SLC9A9: variants seen among roughly 807,000 people sequenced by gnomAD.
SLC9A9 encodes the protein sodium/hydrogen exchanger 9.
Under a neutral mutation model 77.8 loss-of-function variants are expected in SLC9A9, and 62 were observed. The observed-to-expected ratio is 0.80, with a 90% CI of 0.65 to 0.98. The LOEUF (loss-of-function observed/expected upper bound fraction) is 0.98, where lower values mean the gene tolerates loss of function less well. Ranked by LOEUF, SLC9A9 falls within the 50% of genes least tolerant of loss-of-function variation. SLC9A9 has a pLI of 0.00. For synonymous variants in SLC9A9, 320 were observed against 283.5 expected, an observed-to-expected ratio of 1.13 and a Z score of -1.29; for missense variants, 775 against 774.9, an observed-to-expected ratio of 1.00 and a Z score of 0.00.
At chr3:143,652,115 C>A in intron 6 of SLC9A9, 140 bp downstream of exon 6, 1 of 691,386 alleles carries the variant, frequency 1.4e-6, no homozygotes, top group Non-Finnish European at 2.6e-6. Flanking sequence ...TGAATTGTGC[C>A]CATTATGGAA....
At chr3:143,589,574 C>A (rs1483360987) in intron 6 of SLC9A9, among the ~76,000 whole-genome samples, 1 of 152,146 alleles carries the variant, frequency 6.6e-6, no homozygotes, top group Non-Finnish European at 1.5e-5. Context: ...TATAACCTAG[C>A]TGTGTAGTAG....
At chr3:143,344,791 C>A (rs1211063549) in intron 14 of SLC9A9, among the ~76,000 whole-genome samples, 2 of 152,030 alleles carry the variant, frequency 1.3e-5, no homozygotes, top group Non-Finnish European at 2.9e-5. Context: ...AAAGACTTGA[C>A]CCTGTGCAGT....
chr3:143,755,751 C>A (rs2006902246), intron 4 of SLC9A9, among the ~76,000 whole-genome samples: 1 of 152,072 alleles, frequency 6.6e-6, no homozygotes, highest in Non-Finnish European at 1.5e-5. Flanking sequence ...ACTTAGAATA[C>A]AATGCCATGA....
chr3:143,413,802 G>C (rs1176425548), intron 12 of SLC9A9, among the ~76,000 whole-genome samples: 1 of 151,898 alleles, frequency 6.6e-6, no homozygotes, highest in Admixed American at 6.6e-5. Context: ...GTGTGTGTGT[G>C]TGTGTACGTG....
At chr3:143,529,233 T>C (rs1434978999) in intron 9 of SLC9A9, among the ~76,000 whole-genome samples, 1 of 152,180 alleles carries the variant, frequency 6.6e-6, no homozygotes, top group Non-Finnish European at 1.5e-5. Context: ...AGAACCGCAA[T>C]ACTGAGATAG....
intron 6 of SLC9A9, among the ~76,000 whole-genome samples, chr3:143,588,630 T>G (rs1408500930): frequency 6.6e-6 from 1 of 152,242 alleles, no homozygotes; most frequent in Non-Finnish European, 1.5e-5. Flanking sequence ...TACTTTCCAA[T>G]TTAGCTTGAA....
chr3:143,385,873 G>T (rs2033411817), intron 12 of SLC9A9, among the ~76,000 whole-genome samples: 1 of 152,084 alleles, frequency 6.6e-6, no homozygotes, highest in Non-Finnish European at 1.5e-5. Context: ...AACTGGACTT[G>T]TCCTTGTTTC....
chr3:143,652,729 G>C (rs1323213590), intron 5 of SLC9A9, among the ~76,000 whole-genome samples: 1 of 148,160 alleles, frequency 6.7e-6, no homozygotes, highest in Non-Finnish European at 1.5e-5. Flanking sequence ...TTCTACTATG[G>C]CAGCAATTCC....
chr3:143,299,798 C>T (rs2030439293), intron 14 of SLC9A9, among the ~76,000 whole-genome samples: 1 of 152,072 alleles, frequency 6.6e-6, no homozygotes, highest in Non-Finnish European at 1.5e-5. Flanking sequence ...GGTTATGGGC[C>T]CATACTTTGG....
intron 4 of SLC9A9, among the ~76,000 whole-genome samples, chr3:143,741,403 A>G (rs562732532): frequency 1.3e-5 from 2 of 152,352 alleles, no homozygotes; most frequent in Non-Finnish European, 2.9e-5. Context: ...TAATCAAAAT[A>G]TAAAACAAAC....
At chr3:143,660,892 G>A (rs1451341796) in intron 5 of SLC9A9, among the ~76,000 whole-genome samples, 2 of 152,140 alleles carry the variant, frequency 1.3e-5, no homozygotes, top group Non-Finnish European at 2.9e-5. Flanking sequence ...CCAATGACGA[G>A]GCTGTAGATT....
chr3:143,673,909 A>T (rs2039196953), intron 5 of SLC9A9, among the ~76,000 whole-genome samples: 1 of 152,148 alleles, frequency 6.6e-6, no homozygotes, highest in African/African-American at 2.4e-5. Flanking sequence ...GTGGAAGTGG[A>T]TGGACAAGTA....
At chr3:143,402,657 T>C (rs528924889) in intron 12 of SLC9A9, among the ~76,000 whole-genome samples, 23 of 152,168 alleles carry the variant, frequency 1.5e-4, no homozygotes, top group African/African-American at 5.3e-4. Context: ...TTGTCTGATA[T>C]TAGTATACTA....
chr3:143,420,547 T>G (rs561770804), intron 12 of SLC9A9, among the ~76,000 whole-genome samples: 17 of 152,330 alleles, frequency 1.1e-4, no homozygotes, highest in African/African-American at 4.1e-4. Context: ...ACTGAAGAAG[T>G]GACATGATCA....
chr3:143,380,154 A>T (rs2033270899), intron 13 of SLC9A9, among the ~76,000 whole-genome samples: 1 of 152,188 alleles, frequency 6.6e-6, no homozygotes. Flanking sequence ...TCACTGTTCT[A>T]TGTTATGCTA....
chr3:143,462,633 C>T (rs766831219), intron 12 of SLC9A9, among the ~76,000 whole-genome samples: 13 of 152,070 alleles, frequency 8.5e-5, no homozygotes, highest in Non-Finnish European at 1.6e-4. Flanking sequence ...TTTATTTACC[C>T]GTAACTGTCC....
chr3:143,457,694 TTTTATC>T (rs1323126389), intron 12 of SLC9A9, among the ~76,000 whole-genome samples: 1 of 152,190 alleles, frequency 6.6e-6, no homozygotes, highest in Non-Finnish European at 1.5e-5. Flanking sequence ...TCTCTTGAGA[TTTTATC>T]TTTGACTCAT....
chr3:143,724,605 A>G lies in SLC9A9; in HGVS notation c.534-31298T>C, dbSNP rs554761498. ...TCATGTAGTTATTTCCTGGCTGGAAAACACCAATTAACATATTTCTCAAAA... is the reference window on the plus strand; with the variant it reads ...TCATGTAGTTATTTCCTGGCTGGAAGACACCAATTAACATATTTCTCAAAA... On this transcript the variant is annotated intron_variant, in intron 4 of 15. Transcript: ENST00000316549. Among the ~76,000 whole-genome samples, 156 of 152,350 alleles carry G rather than the reference A, an allele frequency of 1.0e-3. 2 individuals are homozygous for G. Among genetic ancestry groups the G allele is most frequent in the African/African-American group, 3.6e-3 (151 of 41,580 alleles).
At chr3:143,422,229 C>A (rs2034312702) in intron 12 of SLC9A9, among the ~76,000 whole-genome samples, 1 of 152,102 alleles carries the variant, frequency 6.6e-6, no homozygotes, top group African/African-American at 2.4e-5. Context: ...AATGGTTATC[C>A]CAGCAATCCT....
Sources: allele counts gnomAD v4.1 joint callset (sites outside exome capture counted in the v4.1 genomes callset), GRCh38; gene constraint gnomAD v4.1.1; transcripts MANE v1.5; gene names NCBI Gene and HGNC (gene_info 2026-07-23, HGNC 2026-07-21).